Variants in BAZ1A observed in about 807,000 individuals in gnomAD.
The protein encoded by BAZ1A is bromodomain adjacent to zinc finger domain protein 1A.
In BAZ1A, 50 loss-of-function variants were observed where a neutral mutation model predicts 185.2. That is an observed-to-expected ratio of 0.27 (90% CI 0.22 to 0.34). The LOEUF (loss-of-function observed/expected upper bound fraction) is 0.34, where lower values mean the gene tolerates loss of function less well. Among genes scored for constraint, BAZ1A ranks in the 10% least tolerant of loss-of-function variants. The pLI, the probability that BAZ1A is intolerant of heterozygous loss-of-function variation, is 1.00. For missense variants in BAZ1A, 1,356 were observed against 1,839.9 expected (o/e 0.74, Z 4.81); for synonymous variants, 571 against 615.6 (o/e 0.93, Z 1.07).
chr14:34,758,649 C>G (rs1886375370), intron 25 of BAZ1A, 55 bp downstream of exon 25: 6 of 1,558,142 alleles, frequency 3.9e-6, no homozygotes, highest in East Asian at 2.3e-5. Flanking sequence ...AAAGTTATCA[C>G]GTGGACTAAA....
chr14:34,837,293 G>A (rs2042345502), intron 3 of BAZ1A, among the ~76,000 whole-genome samples: 2 of 151,672 alleles, frequency 1.3e-5, no homozygotes, highest in African/African-American at 2.4e-5. Flanking sequence ...CCAGGCTGGC[G>A]TGCAGTGGTG....
At chr14:34,821,756 G>A (rs927579304) in intron 4 of BAZ1A, among the ~76,000 whole-genome samples, 15 of 152,080 alleles carry the variant, frequency 9.9e-5, no homozygotes, top group Middle Eastern at 3.4e-3. Flanking sequence ...AAGCCAAGGC[G>A]GGCAGATCAC....
At chr14:34,804,603 A>T (rs72678747) in intron 6 of BAZ1A, among the ~76,000 whole-genome samples, 1 of 152,378 alleles carries the variant, frequency 6.6e-6, no homozygotes, top group Non-Finnish European at 1.5e-5. Flanking sequence ...CCATTAAAGA[A>T]GATTTCATTA....
Position 34,762,135 on chromosome 14 carries a change from G to C in BAZ1A, c.3865C>G (p.Gln1289Glu), listed in dbSNP as rs759222062. 13 of 1,613,340 alleles carry C rather than the reference G, an allele frequency of 8.1e-6. No individual in the cohort carries two copies. Among genetic ancestry groups the C allele is most frequent in the African/African-American group, 5.3e-5 (4 of 74,926 alleles). ...CTTGAAGGGTATCTTCCAGGTTCTT[G>C]TTGTTGGCCACGACTTGAGAAAGAA... Reference protein sequence around the residue: ...SSSFSSRGQQQEPGRYPSRSQ... With the variant: ...SSSFSSRGQQEEPGRYPSRSQ... The change falls in exon 24 of 27, where the codon CAA (glutamine) becomes GAA (glutamate). Residue 1289 changes from glutamine to glutamate, a missense_variant. Gln to Glu is a conservative substitution (Grantham distance 29, BLOSUM62 2). This residue lies in a region of BAZ1A where 309 missense variants were observed against 355.3 expected (regional missense o/e 0.87). Coordinates refer to ENST00000360310, the MANE Select transcript of BAZ1A (RefSeq NM_013448.3).
intron 12 of BAZ1A, among the ~76,000 whole-genome samples, chr14:34,791,033 A>G (rs1408160631): frequency 6.6e-6 from 1 of 152,122 alleles, no homozygotes; most frequent in African/African-American, 2.4e-5. Context: ...GAGACAGGAG[A>G]ATCGCTTGAA....
intron 23 of BAZ1A, among the ~76,000 whole-genome samples, chr14:34,763,862 A>C (rs1432599619): frequency 1.3e-5 from 2 of 152,192 alleles, no homozygotes; most frequent in African/African-American, 4.8e-5. Context: ...CTGGGAAACC[A>C]AAAAAATTTG....
rs2043007759 is a variant in BAZ1A at position 34,874,457 on chromosome 14, A to G, written c.113+35T>C. 5 of 1,546,446 alleles carry G rather than the reference A, an allele frequency of 3.2e-6. No homozygotes were observed. Among genetic ancestry groups the G allele is most frequent in the Non-Finnish European group, 3.6e-6 (4 of 1,122,410 alleles). On this transcript the variant is annotated intron_variant, in intron 2 of 26. Coordinates refer to ENST00000360310, the MANE Select transcript of BAZ1A (RefSeq NM_013448.3). The surrounding 1 kb of genome is among the most constrained non-coding windows in gnomAD (Gnocchi z 4.7). ...AGAGCGCTGCGGGGGGAGTCCCCAC[A>G]CCCCCCGCGGCCCCGCACACGGCCC...
chr14:34,868,664 G>C (rs899104077), intron 2 of BAZ1A, among the ~76,000 whole-genome samples: 1 of 151,962 alleles, frequency 6.6e-6, no homozygotes, highest in African/African-American at 2.4e-5. Flanking sequence ...AGCTGGGCAC[G>C]GTGTCAGGAG....
chr14:34,775,881 G>C (rs765285536), intron 18 of BAZ1A, 38 bp downstream of exon 18: 3 of 1,501,706 alleles, frequency 2.0e-6, no homozygotes, highest in Non-Finnish European at 2.7e-6. Context: ...ATTAGGGGGA[G>C]GGAAAAAAAG....
intron 26 of BAZ1A, among the ~76,000 whole-genome samples, chr14:34,754,560 TTA>T (rs1886160620): frequency 6.6e-6 from 1 of 152,206 alleles, no homozygotes; most frequent in African/African-American, 2.4e-5. Context: ...ATCATATACA[TTA>T]TGTGATTATA....
intron 7 of BAZ1A, among the ~76,000 whole-genome samples, chr14:34,802,355 T>A (rs146498410): frequency 6.6e-6 from 1 of 152,160 alleles, no homozygotes; most frequent in Non-Finnish European, 1.5e-5. Context: ...TTCTCGTGCC[T>A]CAGGCTCCTG....
intron 3 of BAZ1A, among the ~76,000 whole-genome samples, chr14:34,861,410 T>C (rs546403849): frequency 7.9e-5 from 12 of 152,340 alleles, no homozygotes; most frequent in South Asian, 2.1e-4. Context: ...TAACCCTGCA[T>C]TTGTATACTA....
rs756053543 is a variant in BAZ1A, at chr14:34,760,810, C to T, written c.4243+947G>A. Among the ~76,000 whole-genome samples, 4 of 151,924 alleles carry T rather than the reference C, an allele frequency of 2.6e-5. No individual in the cohort carries two copies. The East Asian group carries it at 7.7e-4, about 29-fold the overall frequency. Reference sequence around the variant, plus strand: ...GAGGTTGCAGTGAGCTCAGATTGCGCCACTGCACAGCAGCCTGAGTGACTG... The same window carrying T: ...GAGGTTGCAGTGAGCTCAGATTGCGTCACTGCACAGCAGCCTGAGTGACTG... On this transcript the variant is annotated intron_variant, in intron 24 of 26. Coordinates refer to ENST00000360310, the MANE Select transcript of BAZ1A (RefSeq NM_013448.3).
At chr14:34,862,745 G>T (rs984496906) in intron 2 of BAZ1A, among the ~76,000 whole-genome samples, 3 of 148,530 alleles carry the variant, frequency 2.0e-5, no homozygotes, top group African/African-American at 7.4e-5. Flanking sequence ...GATCTCTCCT[G>T]TATTTTCTTG....
chr14:34,835,237 T>C (rs2042310060), intron 3 of BAZ1A, among the ~76,000 whole-genome samples: 1 of 151,828 alleles, frequency 6.6e-6, no homozygotes, highest in Non-Finnish European at 1.5e-5. Flanking sequence ...AATTTTTGTA[T>C]TTTTAGTAGA....
In BAZ1A at chr14:34,781,527, CTT is replaced by C. The variant is rs35183747; in HGVS notation, c.2112-1219_2112-1218del. 8.7e-3 allele frequency among the ~76,000 whole-genome samples: 1,233 copies of C among 141,498 alleles called. 12 individuals are homozygous for C. Among genetic ancestry groups the C allele is most frequent in the African/African-American group, 0.025 (972 of 38,810 alleles). 92.8% of individuals were successfully genotyped at this position (141,498 alleles called of 152,430 possible). On this transcript the variant is annotated intron_variant, in intron 16 of 26. Transcript: ENST00000360310. ...ACATGTGATCTTTTGTCACTAGCTG[CTT>C]TTTTTTTTTTTTTGAGACAGAATCT... is the stretch of plus-strand genomic sequence containing the variant.
intron 2 of BAZ1A, among the ~76,000 whole-genome samples, chr14:34,865,561 A>G (rs1185391400): frequency 6.6e-6 from 1 of 152,194 alleles, no homozygotes; most frequent in Non-Finnish European, 1.5e-5. Context: ...TCCTTTGTAC[A>G]TCTCTATAGA....
chr14:34,779,759 A>G (rs537357170), intron 17 of BAZ1A, among the ~76,000 whole-genome samples: 1 of 152,332 alleles, frequency 6.6e-6, no homozygotes, highest in South Asian at 2.1e-4. Context: ...ACAAATTATG[A>G]GCATTATTGA....
At chr14:34,795,033 T>G (rs1881107726) in intron 10 of BAZ1A, 146 bp from the exon 11 acceptor site, 1 of 1,109,062 alleles carries the variant, frequency 9.0e-7, no homozygotes, top group Non-Finnish European at 1.2e-6. Flanking sequence ...CACAATCACC[T>G]TTGAAACTTC....
Sources: allele counts gnomAD v4.1 joint callset (sites outside exome capture counted in the v4.1 genomes callset), GRCh38; gene constraint gnomAD v4.1.1; regional missense constraint gnomAD v4.1.1; non-coding constraint Gnocchi (gnomAD v3.1); transcripts MANE v1.5; gene names NCBI Gene and HGNC (gene_info 2026-07-23, HGNC 2026-07-21).